The following DPP7 variants were observed in gnomAD, a reference collection of about 807,000 sequenced individuals.
DPP7 encodes the protein dipeptidyl peptidase 2.
DPP7 carries 74 observed loss-of-function variants against 58.8 expected under a neutral mutation model. The ratio of observed to expected loss-of-function variants is 1.26; its 90% CI spans 1.04 to 1.53. DPP7 has a LOEUF of 1.53. DPP7 is among the 40% of genes most tolerant of loss of function. The pLI is 0.00. For synonymous variants in DPP7, 350 were observed against 303.6 expected (o/e 1.15, Z -1.59); for missense variants, 807 against 692.3 (o/e 1.17, Z -1.86).
At chr9:137,116,283 C>T (rs1004707121), upstream of DPP7, among the ~76,000 whole-genome samples, 2 of 152,232 alleles carry the variant, frequency 1.3e-5, no homozygotes, top group Non-Finnish European at 2.9e-5. Context: ...TGAGGGTGGC[C>T]ACAGTCCCCT....
intron 10 of DPP7, 59 bp from the exon 11 acceptor site, chr9:137,111,813 C>G: frequency 6.2e-7 from 1 of 1,613,198 alleles, no homozygotes; most frequent in Non-Finnish European, 8.5e-7. Context: ...GAGCCATGGG[C>G]AGGGGGTGCA....
chr9:137,110,972 C>G, intron 11 of DPP7, 22 bp from the exon 12 acceptor site: 1 of 1,611,530 alleles, frequency 6.2e-7, no homozygotes, highest in Non-Finnish European at 8.5e-7. Flanking sequence ...GGAAAGAACT[C>G]CATCAGGTGA....
At chr9:137,113,810 GCGCTGGGTCGGGGCAGGGGA>G in intron 4 of DPP7, 35 bp downstream of exon 4, 1 of 1,407,800 alleles carries the variant, frequency 7.1e-7, no homozygotes, top group South Asian at 1.4e-5. Context: ...AGGGCTGGGG[GCGCTGGGTCGGGGCAGGGGA>G]GGGAGGGGGT....
chr9:137,111,012 G>A (rs548829117), intron 11 of DPP7, 62 bp from the exon 12 acceptor site: 44 of 1,530,830 alleles, frequency 2.9e-5, no homozygotes, highest in Non-Finnish European at 3.5e-5. Flanking sequence ...GCCTCCGTGG[G>A]CCCATTGGAG....
At position 137,111,852 on chromosome 9, in the gene DPP7, C is replaced by T. The variant is rs199630935; in HGVS notation, c.1207+21G>A. ...CTCGGGGCAGAAAGCAGGACGCTGG[C>T]CCACCCCCCCTCAGCCTTACCACCC... is the stretch of plus-strand genomic sequence containing the variant. On this transcript the variant is annotated intron_variant, in intron 10 of 12. Coordinates refer to ENST00000371579, the MANE Select transcript of DPP7 (RefSeq NM_013379.3). 5.1e-5 allele frequency: 82 copies of T among 1,605,804 alleles called. No homozygotes were observed. The Middle Eastern group carries it at 1.8e-3, about 36-fold the overall frequency.
Position 137,113,492 on chromosome 9 carries a change from C to A in DPP7, c.490G>T (p.Gly164Trp). The change falls in exon 5 of 13, where the codon GGG (glycine) becomes TGG (tryptophan). Residue 164 changes from glycine to tryptophan, a missense_variant. Transcript: ENST00000371579. ...APAIAFGGSY[G>W]GMLSAYLRMK... ...CTCAGGTAGGCACTGAGCATCCCCC[C>A]ATAACTGGGTGAGGGACACAGGGTT... The A allele has an allele frequency of 1.3e-6, 2 of 1,562,602 alleles. No individual in the cohort carries two copies. Among genetic ancestry groups the A allele is most frequent in the Non-Finnish European group, 1.7e-6 (2 of 1,152,824 alleles).
At chr9:137,111,491 A>G (rs1226351220) in intron 11 of DPP7, among the ~76,000 whole-genome samples, 199 bp downstream of exon 11, 2 of 152,216 alleles carry the variant, frequency 1.3e-5, no homozygotes, top group Admixed American at 1.3e-4. Context: ...TCTCTACAAA[A>G]AAATATTTTT....
chr9:137,114,941 C>T (rs1471480511), upstream of DPP7: 3 of 332,176 alleles, frequency 9.0e-6, no homozygotes, highest in South Asian at 1.5e-4. Flanking sequence ...GGGCCATCTC[C>T]GCGGCCTCCC....
chr9:137,111,560 C>T (rs1216292124), intron 11 of DPP7, 130 bp downstream of exon 11: 1 of 991,810 alleles, frequency 1.0e-6, no homozygotes, highest in African/African-American at 1.6e-5. Context: ...GAGGCTTGAG[C>T]CTCAGAGGTC....
At chr9:137,112,646 C>G in intron 8 of DPP7, 99 bp downstream of exon 8, 3 of 1,415,644 alleles carry the variant, frequency 2.1e-6, no homozygotes, top group Non-Finnish European at 2.9e-6. Context: ...GGAGGCAAAG[C>G]CCCTGGCCGG....
At chr9:137,111,844 G>T (rs1295584513) in intron 10 of DPP7, 29 bp downstream of exon 10, 4 of 1,612,222 alleles carry the variant, frequency 2.5e-6, no homozygotes, top group Non-Finnish European at 3.4e-6. Flanking sequence ...CAGAAAGCAG[G>T]ACGCTGGCCC....
chr9:137,113,819 C>T, intron 4 of DPP7, 46 bp downstream of exon 4: 18 of 426,718 alleles, frequency 4.2e-5, no homozygotes, highest in Non-Finnish European at 5.1e-5. Flanking sequence ...GGCGCTGGGT[C>T]GGGGCAGGGG....
At position 137,113,894 on chromosome 9, in the gene DPP7, C is replaced by T; in HGVS notation, c.456G>A (p.Gln152=). The T allele has an allele frequency of 6.4e-7, 1 of 1,565,576 alleles. No homozygotes were observed. Among genetic ancestry groups the T allele is most frequent in the South Asian group, 1.1e-5 (1 of 87,266 alleles). ...CACCGAAGGCGATGGCGGGGGCATC[C>T]TGGGCCCCGAGGTCGCGTCGTAGCG... ...LRALRRDLGA[Q]DAPAIAFGGS... The change falls in exon 4 of 13, where the codon CAG becomes CAA. Residue 152 remains glutamine (Q), a synonymous_variant. Coordinates refer to ENST00000371579, the MANE Select transcript of DPP7 (RefSeq NM_013379.3).
Position 137,111,913 on chromosome 9 carries a change from C to T in DPP7, c.1167G>A (p.Trp389Ter). The change falls in exon 10 of 13, where the codon TGG becomes TGA. Residue 389 changes from tryptophan to a stop codon, truncating the protein, a stop_gained. Transcript: ENST00000371579. LOFTEE classifies it high-confidence loss of function. ...TGGTCAGCAGCCAGTCGGGCCGGGG[C>T]CACACGCCCCAGGTGTCCAGGCAGT... ...QRYCLDTWGV[W>*]PRPDWLLTSF... 1 of 1,498,130 alleles carries T rather than the reference C, an allele frequency of 6.7e-7. No individual in the cohort carries two copies. Among genetic ancestry groups the T allele is most frequent in the Non-Finnish European group, 9.0e-7 (1 of 1,109,060 alleles). 92.8% of individuals were successfully genotyped at this position (1,498,130 alleles called of 1,614,324 possible). A position where few individuals can be genotyped will look rare whatever the true frequency, so the allele number is the denominator to read the frequency against.
Position 137,112,173 on chromosome 9 carries a change from T to G in DPP7, c.989A>C (p.His330Pro), listed in dbSNP as rs1440489039. Residue 330 changes from histidine to proline, a missense_variant, in exon 9 of 13, where the codon CAC becomes CCC. By Grantham distance (77) the His-to-Pro change is moderately conservative. Around this residue, in one of 3 missense-constraint regions of DPP7, gnomAD observed 624 missense variants for 531.2 expected, o/e 1.17. Coordinates refer to ENST00000371579, the MANE Select transcript of DPP7 (RefSeq NM_013379.3). ...GCAGCCAGTGGGGTCAGCACAGCTGTGGTAGAGCCGGTAGATGTCGTAGCA... is the reference window on the plus strand; with the variant it reads ...GCAGCCAGTGGGGTCAGCACAGCTGGGGTAGAGCCGGTAGATGTCGTAGCA... ...EHCYDIYRLY[H>P]SCADPTGCGT... is the part of the protein sequence containing the mutation. 1 of 1,608,324 alleles carries G rather than the reference T, an allele frequency of 6.2e-7. No homozygotes were observed. The highest frequency in any genetic ancestry group is 1.7e-5 in the Admixed American group (1 of 59,952).
At chr9:137,114,834 AGC>A, upstream of DPP7, 1 of 656,058 alleles carries the variant, frequency 1.5e-6, no homozygotes, top group Non-Finnish European at 2.1e-6. Context: ...TCGCTGCTTC[AGC>A]GCCGCGCCGG....
chr9:137,113,815 G>A (rs1252276966), intron 4 of DPP7, 50 bp downstream of exon 4: 1 of 1,414,582 alleles, frequency 7.1e-7, no homozygotes, highest in South Asian at 1.4e-5. Context: ...TGGGGGCGCT[G>A]GGTCGGGGCA....
At chr9:137,117,325 G>A (rs149027816), upstream of DPP7, among the ~76,000 whole-genome samples, 393 of 152,366 alleles carry the variant, frequency 2.6e-3, 3 homozygotes, top group East Asian at 6.6e-3. Flanking sequence ...GCAGGGCACA[G>A]TAGGTCACCC....
At chr9:137,114,162 G>C in intron 3 of DPP7, 81 bp downstream of exon 3, 1 of 395,724 alleles carries the variant, frequency 2.5e-6, no homozygotes, top group Non-Finnish European at 3.3e-6. Flanking sequence ...CGGCACCCGC[G>C]TGCCCCGCGA....
Sources: gnomAD v4.1 joint callset for allele counts (sites outside exome capture counted in the v4.1 genomes callset) on GRCh38, gnomAD v4.1.1 for gene constraint, gnomAD v4.1.1 regional missense constraint, MANE v1.5 for transcripts, NCBI Gene and HGNC (gene_info 2026-07-23, HGNC 2026-07-21) for gene names.